Variants in SORT1 observed in about 807,000 individuals in gnomAD.
The protein encoded by SORT1 is sortilin 1, also known as sortilin.
A neutral mutation model predicts 101.7 loss-of-function variants in SORT1; 39 were observed. The ratio of observed to expected loss-of-function variants is 0.38; its 90% CI spans 0.30 to 0.50. The LOEUF (loss-of-function observed/expected upper bound fraction) is 0.50, where lower values mean the gene tolerates loss of function less well. SORT1 is among the 20% of genes least tolerant of loss of function. The pLI, the probability that SORT1 is intolerant of heterozygous loss-of-function variation, is 0.90. For missense variants in SORT1, 878 were observed against 1,040.4 expected (o/e 0.84, Z 2.15); for synonymous variants, 396 against 393.7 (o/e 1.01, Z -0.07).
chr1:109,355,645 GCC>G lies in SORT1; in HGVS notation c.441-178_441-177del, dbSNP rs67471448. Among the ~76,000 whole-genome samples, 63 of 90,402 alleles carry G rather than the reference GCC, an allele frequency of 7.0e-4. 1 individual carries two copies. The highest frequency in any genetic ancestry group is 2.4e-3 in the African/African-American group (60 of 25,042). 59.3% of individuals were successfully genotyped at this position (90,402 alleles called of 152,430 possible). ...GGTGAGTCCGAAGAACATTCCACCC[GCC>G]CCCCCCCCCACAAACCCACTCACCA... On this transcript the variant is annotated intron_variant, in intron 3 of 19. Coordinates refer to ENST00000256637, the MANE Select transcript of SORT1 (RefSeq NM_002959.7).
chr1:109,326,431 A>G (rs1335542833), intron 13 of SORT1, among the ~76,000 whole-genome samples: 5 of 13,648 alleles, frequency 3.7e-4, no homozygotes, highest in African/African-American at 4.6e-4. Flanking sequence ...CAGAAAGAAT[A>G]TATATATATA....
chr1:109,360,810 C>CT (rs1483420534), intron 3 of SORT1, among the ~76,000 whole-genome samples: 2 of 152,174 alleles, frequency 1.3e-5, no homozygotes, highest in African/African-American at 4.8e-5. Context: ...TCTCCCATGG[C>CT]TTTGGGTGAT....
intron 15 of SORT1, 143 bp from the exon 16 acceptor site, chr1:109,318,112 C>A (rs1647360778): frequency 3.6e-6 from 2 of 560,440 alleles, no homozygotes; most frequent in Non-Finnish European, 6.4e-6. Context: ...TCCTGTGACA[C>A]CTCTGAAGGA....
chr1:109,328,084 A>G (rs1041472288), intron 11 of SORT1, among the ~76,000 whole-genome samples: 7 of 152,154 alleles, frequency 4.6e-5, no homozygotes, highest in Admixed American at 4.6e-4. Context: ...ATATTATTTA[A>G]GTGTGTGTGT....
chr1:109,344,665 G>A (rs1053469885), intron 8 of SORT1, among the ~76,000 whole-genome samples: 1 of 152,086 alleles, frequency 6.6e-6, no homozygotes, highest in Middle Eastern at 3.2e-3. Context: ...TTTCTTCGCG[G>A]CTTTAATTAT....
intron 11 of SORT1, among the ~76,000 whole-genome samples, chr1:109,329,766 A>G (rs746107943): frequency 5.3e-5 from 8 of 152,250 alleles, no homozygotes; most frequent in African/African-American, 1.7e-4. Flanking sequence ...CAATAATAGT[A>G]AGGGACTTCA....
chr1:109,348,968 TA>T (rs1649789673), intron 6 of SORT1, among the ~76,000 whole-genome samples: 4 of 150,460 alleles, frequency 2.7e-5, no homozygotes, highest in African/African-American at 7.3e-5. Flanking sequence ...GGCCTTATCT[TA>T]AAAAAAGAAA....
At chr1:109,351,425 T>C (rs1196568035) in intron 5 of SORT1, among the ~76,000 whole-genome samples, 2 of 152,050 alleles carry the variant, frequency 1.3e-5, no homozygotes, top group South Asian at 2.1e-4. Flanking sequence ...AGAAGACAGG[T>C]GCACTGAGTT....
At chr1:109,340,691 G>A (rs1005665476) in intron 10 of SORT1, 33 bp downstream of exon 10, 59 of 1,611,354 alleles carry the variant, frequency 3.7e-5, no homozygotes, top group Non-Finnish European at 4.7e-5. Context: ...TGCAGCTGAA[G>A]GCACAGTACA....
intron 5 of SORT1, among the ~76,000 whole-genome samples, chr1:109,353,372 C>T (rs114226916): frequency 6.7e-6 from 1 of 148,710 alleles, no homozygotes; most frequent in Non-Finnish European, 1.5e-5. Context: ...AAAAACATAA[C>T]TCTGGCCCTC....
chr1:109,314,231 G>A, intron 19 of SORT1, 30 bp downstream of exon 19: 1 of 1,136,662 alleles, frequency 8.8e-7, no homozygotes, highest in African/African-American at 1.6e-5. Flanking sequence ...GGGGGGGGGG[G>A]TACTACCATT....
intron 1 of SORT1, among the ~76,000 whole-genome samples, chr1:109,382,138 C>T (rs150607393): frequency 2.0e-4 from 30 of 152,042 alleles, no homozygotes; most frequent in African/African-American, 7.0e-4. Context: ...ATCAGTTTAT[C>T]TATTTATTCT....
In SORT1 at chr1:109,397,688, A is replaced by G; in HGVS notation, c.205T>C (p.Phe69Leu). ...GLRAAAAGGA[F>L]PRGGRWRRSA... ...CGACGCCAACGGCCGCCGCGGGGAA[A>G]CGCGCCCCCGGCTGCGGCCGCCCGC... is the stretch of plus-strand genomic sequence containing the variant. Residue 69 changes from phenylalanine to leucine, a missense_variant, in exon 1 of 20, where the codon TTT (phenylalanine) becomes CTT (leucine). Phe to Leu is a conservative substitution (Grantham distance 22). Transcript: ENST00000256637. 8.4e-7 allele frequency: 1 copy of G among 1,196,628 alleles called. No homozygotes were observed. Among genetic ancestry groups the G allele is most frequent in the African/African-American group, 1.6e-5 (1 of 61,054 alleles). The allele number at this position is 1,196,628 out of a possible 1,614,324, so 74.1% of individuals were successfully genotyped here.
intron 3 of SORT1, among the ~76,000 whole-genome samples, chr1:109,355,750 C>G (rs186084281): frequency 2.8e-5 from 4 of 145,306 alleles, no homozygotes; most frequent in Non-Finnish European, 6.0e-5. Context: ...AATTTGGGGT[C>G]TTCTAGGAAG....
chr1:109,327,838 C>T (rs1485879006), intron 11 of SORT1, among the ~76,000 whole-genome samples: 1 of 152,152 alleles, frequency 6.6e-6, no homozygotes, highest in Non-Finnish European at 1.5e-5. Context: ...ACCAATTAAG[C>T]AACTGTTACC....
rs1199978757 is a variant in SORT1 at position 109,314,482 on chromosome 1, A to G, written c.2358-98T>C. 4 of 1,409,634 alleles carry G rather than the reference A, an allele frequency of 2.8e-6. 1 individual carries two copies. In the East Asian group the frequency reaches 9.2e-5, roughly 32 times the overall value. 87.3% of individuals were successfully genotyped at this position (1,409,634 alleles called of 1,614,324 possible). A position where few individuals can be genotyped will look rare whatever the true frequency, so the allele number is the denominator to read the frequency against. On this transcript the variant is annotated intron_variant, in intron 18 of 19. Transcript: ENST00000256637. ...CTCAGTTTTATACACTCAGGAACGC[A>G]TCACAGACACAGAAAGCACAGTCCA... is the stretch of plus-strand genomic sequence containing the variant.
rs558343883 is a variant in SORT1 at position 109,378,470 on chromosome 1, T to G, written c.307-8881A>C. Among the ~76,000 whole-genome samples, 3 of 151,538 alleles carry G rather than the reference T, an allele frequency of 2.0e-5. No individual in the cohort carries two copies. In the East Asian group the frequency reaches 5.8e-4, roughly 30 times the overall value. ...AAATAATGAGCCAATAAGTTATGGC[T>G]CAATTGCTGTAATCAAGGCAAAGTA... On this transcript the variant is annotated intron_variant, in intron 1 of 19. Transcript: ENST00000256637.
intron 10 of SORT1, among the ~76,000 whole-genome samples, chr1:109,340,097 T>C: frequency 7.4e-6 from 1 of 135,802 alleles, no homozygotes; most frequent in South Asian, 2.2e-4. Flanking sequence ...TGCAGTGAGC[T>C]GAGATCACGC....
At chr1:109,382,954 C>G (rs1156493374) in intron 1 of SORT1, among the ~76,000 whole-genome samples, 2 of 152,096 alleles carry the variant, frequency 1.3e-5, no homozygotes, top group East Asian at 1.9e-4. Context: ...CTGAATACCC[C>G]CTAGGTTCTG....
Sources: gnomAD v4.1 joint callset for allele counts (sites outside exome capture counted in the v4.1 genomes callset) on GRCh38, gnomAD v4.1.1 for gene constraint, MANE v1.5 for transcripts, NCBI Gene and HGNC (gene_info 2026-07-23, HGNC 2026-07-21) for gene names.